Variants in ANK3 observed in about 807,000 individuals in gnomAD.
The protein encoded by ANK3 is ankyrin-3.
A neutral mutation model predicts 370.9 loss-of-function variants in ANK3; 57 were observed. The ratio of observed to expected loss-of-function variants is 0.15; its 90% CI spans 0.12 to 0.19. The LOEUF is 0.19. Ranked by LOEUF, ANK3 falls within the 10% of genes least tolerant of loss-of-function variation. ANK3 has a pLI of 1.00. For missense variants in ANK3, 4,439 were observed against 5,302.1 expected, an observed-to-expected ratio of 0.84 and a Z score of 5.06; for synonymous variants, 1,929 against 1,946.3, an observed-to-expected ratio of 0.99 and a Z score of 0.23.
At chr10:60,704,581 T>G (rs866062993) in intron 1 of ANK3, among the ~76,000 whole-genome samples, 2 of 152,002 alleles carry the variant, frequency 1.3e-5, no homozygotes, top group Non-Finnish European at 2.9e-5. Context: ...TAGAAAAACC[T>G]AAAGAATTTT....
chr10:60,637,901 G>T (rs1352428289), intron 1 of ANK3, among the ~76,000 whole-genome samples: 1 of 152,126 alleles, frequency 6.6e-6, no homozygotes, highest in East Asian at 1.9e-4. Context: ...TCTGACTTGT[G>T]ATCCCTAAGT....
Position 60,710,885 on chromosome 10 carries a change from C to T in ANK3, c.57+22378G>A, listed in dbSNP as rs147134459. Among the ~76,000 whole-genome samples, 506 of 152,328 alleles carry T rather than the reference C, an allele frequency of 3.3e-3. 3 individuals carry two copies. Among genetic ancestry groups the T allele is most frequent in the African/African-American group, 0.012 (481 of 41,576 alleles). On this transcript the variant is annotated intron_variant, in intron 1 of 43. Coordinates refer to the ANK3 transcript ENST00000373827. ...GGGGAAGGTTGATGTTCTGGCTCAA[C>T]TAGTCTGGCAGAAAGCAAATTCAGC...
rs1302717905 is a variant in ANK3, at chr10:60,086,665, A to T, written c.3748+12T>A. On this transcript the variant is annotated intron_variant, in intron 30 of 43. Transcript: ENST00000280772. Reference sequence around the variant, plus strand: ...TGAATCAATAGGAAGTACAGCAGTGACTTAACCAAACCTGTAATGCTACAG... The same window carrying T: ...TGAATCAATAGGAAGTACAGCAGTGTCTTAACCAAACCTGTAATGCTACAG... 1.7e-5 allele frequency: 27 copies of T among 1,609,436 alleles called. No homozygotes were observed. In the East Asian group the frequency reaches 5.4e-4, roughly 32 times the overall value.
chr10:60,313,429 T>G (rs1160292670), intron 1 of ANK3, among the ~76,000 whole-genome samples: 1 of 152,176 alleles, frequency 6.6e-6, no homozygotes, highest in East Asian at 1.9e-4. Context: ...AAGGAAAAAG[T>G]GCTGACTTCA....
intron 1 of ANK3, among the ~76,000 whole-genome samples, chr10:60,298,905 G>A (rs955154578): frequency 6.6e-6 from 1 of 152,168 alleles, no homozygotes; most frequent in African/African-American, 2.4e-5. Context: ...TTATGATCAT[G>A]CATATGCAAA....
At chr10:60,264,793 G>A (rs1303142767) in intron 5 of ANK3, among the ~76,000 whole-genome samples, 1 of 151,964 alleles carries the variant, frequency 6.6e-6, no homozygotes. Context: ...CATATTCCTG[G>A]TGCTGTCAGG....
intron 2 of ANK3, among the ~76,000 whole-genome samples, chr10:60,598,884 T>G (rs903706266): frequency 6.6e-6 from 1 of 152,190 alleles, no homozygotes; most frequent in African/African-American, 2.4e-5. Flanking sequence ...AATTAACTGT[T>G]AAAGACAAAG....
At chr10:60,455,670 G>T (rs1218541183) in intron 2 of ANK3, among the ~76,000 whole-genome samples, 1 of 152,012 alleles carries the variant, frequency 6.6e-6, no homozygotes, top group Non-Finnish European at 1.5e-5. Context: ...TTAATTATGT[G>T]CCTGTCTCAT....
chr10:60,503,673 C>A (rs534833518), intron 2 of ANK3, among the ~76,000 whole-genome samples: 1 of 152,234 alleles, frequency 6.6e-6, no homozygotes, highest in South Asian at 2.1e-4. Flanking sequence ...CAACATAATT[C>A]AGTTTATTAG....
At position 60,094,303 on chromosome 10, in the gene ANK3, T is replaced by A. The variant is rs1352181678; in HGVS notation, c.3329-5945A>T. Among the ~76,000 whole-genome samples the A allele has an allele frequency of 2.6e-5, 4 of 151,352 alleles. 1 individual carries two copies. The East Asian group carries it at 7.8e-4, about 30-fold the overall frequency. ...CCCGGATTCAAGCAGTTCTCCTGTC[T>A]CAGCCTCCCAAGTAGCTGGGATTAC... On this transcript the variant is annotated intron_variant, in intron 28 of 43. Coordinates refer to ENST00000280772, the MANE Select transcript of ANK3 (RefSeq NM_020987.5).
Position 60,302,475 on chromosome 10 carries a change from C to T in ANK3, c.115-22836G>A, listed in dbSNP as rs114022151. The stretch of plus-strand genomic sequence containing the variant: ...AATAACATTTATCAAACATGCAAGG[C>T]ACTATATTAATTTCTTTACATACAT... On this transcript the variant is annotated intron_variant, in intron 1 of 43. Transcript: ENST00000280772. Among the ~76,000 whole-genome samples, 877 of 152,168 alleles carry T rather than the reference C, an allele frequency of 5.8e-3. 8 individuals are homozygous for T. The highest frequency in any genetic ancestry group is 0.02 in the African/African-American group (842 of 41,526).
At chr10:60,367,172 T>C (rs2059494805) in intron 1 of ANK3, among the ~76,000 whole-genome samples, 1 of 152,170 alleles carries the variant, frequency 6.6e-6, no homozygotes, top group Admixed American at 6.5e-5. Context: ...CTGTTAGATG[T>C]CTATTACTGA....
Position 60,049,108 on chromosome 10 carries a change from T to C in ANK3, c.13066-6349A>G, listed in dbSNP as rs150269118. ...CAGAAAAATAATTTATAAAGTGTTTTTGTTATACCTATAGCTTCCAATGAT... is the reference window on the plus strand; with the variant it reads ...CAGAAAAATAATTTATAAAGTGTTTCTGTTATACCTATAGCTTCCAATGAT... On this transcript the variant is annotated intron_variant, in intron 42 of 43. Transcript: ENST00000280772. 3.0e-3 allele frequency among the ~76,000 whole-genome samples: 460 copies of C among 152,356 alleles called. 4 individuals are homozygous for C. Among genetic ancestry groups the C allele is most frequent in the Middle Eastern group, 0.017 (5 of 294 alleles).
At chr10:60,249,706 T>A (rs1326601998) in intron 7 of ANK3, among the ~76,000 whole-genome samples, 2 of 152,196 alleles carry the variant, frequency 1.3e-5, no homozygotes, top group Non-Finnish European at 2.9e-5. Context: ...GCAGCACACA[T>A]GTCCTAAGGA....
chr10:60,060,034 C>A lies in ANK3; in HGVS notation c.12596-604G>T, dbSNP rs1013425035. ...ATGGAAGACAGTACATTTGGACTGA[C>A]TGGAATGAATTAGAATACATCAAAC... On this transcript the variant is annotated intron_variant, in intron 40 of 43. Coordinates refer to ENST00000280772, the MANE Select transcript of ANK3 (RefSeq NM_020987.5). 6 of 1,511,558 alleles carry A rather than the reference C, an allele frequency of 4.0e-6. No homozygotes were observed. In the South Asian group the frequency reaches 5.4e-5, roughly 14 times the overall value. The allele number at this position is 1,511,558 out of a possible 1,614,324, so 93.6% of individuals were successfully genotyped here.
At chr10:60,272,561 C>T (rs1013455258) in intron 4 of ANK3, among the ~76,000 whole-genome samples, 1 of 152,146 alleles carries the variant, frequency 6.6e-6, no homozygotes. Flanking sequence ...CTCACTGCAA[C>T]CTCCACCTAA....
At chr10:60,316,792 G>C (rs559756015) in intron 1 of ANK3, among the ~76,000 whole-genome samples, 2 of 152,040 alleles carry the variant, frequency 1.3e-5, no homozygotes, top group East Asian at 3.9e-4. Flanking sequence ...CTGTCACCCA[G>C]GCTGGAGTGC....
At chr10:60,182,833 T>C (rs921158606) in intron 17 of ANK3, among the ~76,000 whole-genome samples, 1 of 152,228 alleles carries the variant, frequency 6.6e-6, no homozygotes, top group African/African-American at 2.4e-5. Context: ...GGAGGACTGA[T>C]GCATTCACTT....
chr10:60,546,236 A>G (rs572774671), intron 2 of ANK3, among the ~76,000 whole-genome samples: 3 of 152,038 alleles, frequency 2.0e-5, no homozygotes, highest in East Asian at 1.9e-4. Flanking sequence ...GGGTCTCACT[A>G]TGTTGCCCAG....
Sources: gnomAD v4.1 joint callset for allele counts (sites outside exome capture counted in the v4.1 genomes callset) on GRCh38, gnomAD v4.1.1 for gene constraint, MANE v1.5 for transcripts, NCBI Gene and HGNC (gene_info 2026-07-23, HGNC 2026-07-21) for gene names.